NKD2: variants seen among roughly 807,000 people sequenced by gnomAD.
The protein encoded by NKD2 is NKD inhibitor of Wnt signaling pathway 2, also known as protein naked cuticle homolog 2.
Under a neutral mutation model 34.8 loss-of-function variants are expected in NKD2, and 43 were observed. The ratio of observed to expected loss-of-function variants is 1.24; its 90% CI spans 0.97 to 1.60. The LOEUF is 1.60. Ranked by LOEUF, NKD2 falls within the 40% of genes most tolerant of loss-of-function variation. The pLI is 0.00. For missense variants in NKD2, 675 were observed against 627.1 expected (o/e 1.08, Z -0.82); for synonymous variants, 278 against 265.1 (o/e 1.05, Z -0.47).
At chr5:1,019,054 C>T (rs1334758031) in intron 3 of NKD2, among the ~76,000 whole-genome samples, 2 of 152,318 alleles carry the variant, frequency 1.3e-5, no homozygotes, top group Non-Finnish European at 2.9e-5. Flanking sequence ...CAGGCCAGAG[C>T]GTCACCTTCC....
At chr5:1,019,256 G>A (rs531697748) in intron 3 of NKD2, among the ~76,000 whole-genome samples, 8 of 152,302 alleles carry the variant, frequency 5.3e-5, no homozygotes, top group East Asian at 3.9e-4. Flanking sequence ...AGCTCATCCC[G>A]AGAACCCTGC....
At chr5:1,013,509 C>T (rs1000401555) in intron 3 of NKD2, among the ~76,000 whole-genome samples, 3 of 152,232 alleles carry the variant, frequency 2.0e-5, no homozygotes, top group Non-Finnish European at 4.4e-5. Flanking sequence ...TTGTGGGAGG[C>T]GTCGAGGTCA....
chr5:1,036,748 C>T (rs1241286131), intron 9 of NKD2: 6 of 482,508 alleles, frequency 1.2e-5, no homozygotes, highest in African/African-American at 2.0e-5. Flanking sequence ...ATCACCGGCT[C>T]AGTCAGCAGA....
intron 3 of NKD2, among the ~76,000 whole-genome samples, chr5:1,016,195 C>T (rs1267197528): frequency 3.3e-5 from 5 of 152,258 alleles, no homozygotes; most frequent in Admixed American, 2.0e-4. Context: ...CTCTGGACTG[C>T]GAAGCCTGGA....
intron 3 of NKD2, among the ~76,000 whole-genome samples, chr5:1,011,896 G>A (rs536577468): frequency 6.6e-6 from 1 of 152,364 alleles, no homozygotes; most frequent in Admixed American, 6.5e-5. Context: ...GACCCGCACG[G>A]CTTCATCACC....
At chr5:1,030,293 C>T (rs2150743943) in intron 3 of NKD2, among the ~76,000 whole-genome samples, 1 of 152,276 alleles carries the variant, frequency 6.6e-6, no homozygotes, top group South Asian at 2.1e-4. Context: ...GCCTTGGCCC[C>T]CCTCCGCAGT....
At position 1,020,603 on chromosome 5, in the gene NKD2, C is replaced by T. The variant is rs141189343; in HGVS notation, c.141+11043C>T. Among the ~76,000 whole-genome samples, 24 of 150,838 alleles carry T rather than the reference C, an allele frequency of 1.6e-4. 1 individual carries two copies. In the East Asian group the frequency reaches 4.5e-3, roughly 28 times the overall value. ...TGCTCCCTGAGTCCCTCTCTCCAAG[C>T]GTGGGGAGAGGGAAGCTCGGCTGCC... On this transcript the variant is annotated intron_variant, in intron 3 of 9. Transcript: ENST00000296849.
At chr5:1,036,170 C>G (rs1733906886) in intron 8 of NKD2, 87 bp from the exon 9 acceptor site, 3 of 1,423,468 alleles carry the variant, frequency 2.1e-6, no homozygotes, top group Non-Finnish European at 2.8e-6. Flanking sequence ...CACCCCGGAC[C>G]CCTGCCGCCT....
intron 3 of NKD2, among the ~76,000 whole-genome samples, chr5:1,021,283 G>C (rs947266390): frequency 3.4e-4 from 51 of 151,850 alleles, no homozygotes; most frequent in Non-Finnish European, 6.0e-4. Flanking sequence ...GGCTTATGTG[G>C]GAAGCCCGGC....
At chr5:1,011,021 G>C (rs565052671) in intron 3 of NKD2, among the ~76,000 whole-genome samples, 1 of 152,236 alleles carries the variant, frequency 6.6e-6, no homozygotes, top group African/African-American at 2.4e-5. Context: ...CGATGTCAGC[G>C]TGAGGGCTGC....
chr5:1,021,912 A>T (rs551813053), intron 3 of NKD2, among the ~76,000 whole-genome samples: 240 of 152,252 alleles, frequency 1.6e-3, no homozygotes, highest in African/African-American at 5.7e-3. Context: ...ACCAGGCCCC[A>T]GGCCCTCTGC....
Position 1,009,503 on chromosome 5 carries a change from G to A in NKD2, c.84G>A (p.Ala28=). 6.7e-7 allele frequency: 1 copy of A among 1,498,012 alleles called. No homozygotes were observed. Among genetic ancestry groups the A allele is most frequent in the Non-Finnish European group, 8.8e-7 (1 of 1,132,150 alleles). 92.8% of individuals were successfully genotyped at this position (1,498,012 alleles called of 1,614,324 possible). The change falls in exon 3 of 10, where the codon GCG becomes GCA. Residue 28 remains alanine (A), a synonymous_variant. Transcript: ENST00000296849. This position sits in a 1 kb window ranked among gnomAD's most constrained non-coding sequence, Gnocchi z 6.9. ...CAGGGGACAGCTTCGTGGCGTCCGC[G>A]TACGCGAGCGGCCGCAAAGGCGCGG... The part of the protein sequence containing the change: ...SPEGDSFVAS[A]YASGRKGAEE...
At chr5:1,011,535 C>T (rs1755751082) in intron 3 of NKD2, among the ~76,000 whole-genome samples, 1 of 152,216 alleles carries the variant, frequency 6.6e-6, no homozygotes, top group African/African-American at 2.4e-5. Context: ...CCCAGGGCAC[C>T]CCTTGTGATG....
intron 9 of NKD2, 118 bp downstream of exon 9, chr5:1,036,502 A>ACCCCCC (rs1561001277): frequency 2.2e-4 from 13 of 59,852 alleles, no homozygotes; most frequent in Non-Finnish European, 2.7e-4. Flanking sequence ...GCCCCCCCCC[A>ACCCCCC]ACCCCCCCCA....
chr5:1,018,371 C>T (rs1025969622), intron 3 of NKD2, among the ~76,000 whole-genome samples: 9 of 152,238 alleles, frequency 5.9e-5, no homozygotes, highest in Non-Finnish European at 2.9e-5. Flanking sequence ...GGTGGGACCA[C>T]TAGCAGGGGC....
At chr5:1,026,530 GTGT>G (rs1460606091) in intron 3 of NKD2, among the ~76,000 whole-genome samples, 26 of 62,748 alleles carry the variant, frequency 4.1e-4, no homozygotes, top group African/African-American at 6.4e-4. Flanking sequence ...CCCGCTGTGG[GTGT>G]CCCAGCCCAT....
At position 1,036,321 on chromosome 5, in the gene NKD2, G is replaced by A. The variant is rs777195972; in HGVS notation, c.724G>A (p.Glu242Lys). 6.2e-7 allele frequency: 1 copy of A among 1,612,966 alleles called. No homozygotes were observed. Among genetic ancestry groups the A allele is most frequent in the Non-Finnish European group, 8.5e-7 (1 of 1,179,848 alleles). Residue 242 changes from glutamate (E) to lysine (K), a missense_variant, in exon 9 of 10, where the codon GAG (glutamate) becomes AAG (lysine). Transcript: ENST00000296849. The part of the protein sequence containing the change: ...RGPYCVDENT[E>K]RRNHYLDLAG... ...GCCCTACTGCGTGGACGAGAACACG[G>A]AGCGCAGAAACCACTACCTGGACCT...
intron 3 of NKD2, among the ~76,000 whole-genome samples, chr5:1,028,235 C>T (rs1035134998): frequency 2.0e-5 from 3 of 152,036 alleles, no homozygotes; most frequent in African/African-American, 7.3e-5. Flanking sequence ...ACGGTGGCCT[C>T]GGGGTGGTTG....
rs368005498 is a variant in NKD2 at position 1,037,871 on chromosome 5, G to T, written c.854G>T (p.Arg285Leu). ...GCCTCGCACCTCCAGGCCCGGTCCC[G>T]CTCCCAGGAGCCAGATACACATGCC... ...GRASHLQARS[R>L]SQEPDTHAVH... The change falls in exon 10 of 10, where the codon CGC becomes CTC. Residue 285 changes from arginine to leucine, a missense_variant. Arg to Leu is a moderately radical substitution (Grantham distance 102). Transcript: ENST00000296849. 30 of 1,602,872 alleles carry T rather than the reference G, an allele frequency of 1.9e-5. No homozygotes were observed. The East Asian group carries it at 2.0e-4, about 11-fold the overall frequency.
Sources: allele counts gnomAD v4.1 joint callset (sites outside exome capture counted in the v4.1 genomes callset), GRCh38; gene constraint gnomAD v4.1.1; non-coding constraint Gnocchi (gnomAD v3.1); transcripts MANE v1.5; gene names NCBI Gene and HGNC (gene_info 2026-07-23, HGNC 2026-07-21).